PCDHGA1: variants seen among roughly 807,000 people sequenced by gnomAD.
PCDHGA1 encodes the protein protocadherin gamma-A1.
In PCDHGA1, 32 loss-of-function variants were observed where a neutral mutation model predicts 58.0. That is an observed-to-expected ratio of 0.55 (90% CI 0.42 to 0.74). The LOEUF (loss-of-function observed/expected upper bound fraction) is 0.74. Ranked by LOEUF, PCDHGA1 falls within the 30% of genes least tolerant of loss-of-function variation. PCDHGA1 has a pLI of 0.00. For missense variants in PCDHGA1, 1,205 were observed against 1,182.3 expected (o/e 1.02, Z -0.28); for synonymous variants, 498 against 501.1 (o/e 0.99, Z 0.08).
intron 1 of PCDHGA1, chr5:141,346,625 C>G (rs548281079): frequency 1.3e-5 from 13 of 1,025,110 alleles, no homozygotes; most frequent in South Asian, 1.2e-4. Context: ...CTGCACTCCC[C>G]GGTCTGGTTA....
At chr5:141,488,594 C>T (rs1398982317) in intron 1 of PCDHGA1, among the ~76,000 whole-genome samples, 3 of 152,164 alleles carry the variant, frequency 2.0e-5, no homozygotes, top group African/African-American at 7.2e-5. Context: ...CAGGGCAAGA[C>T]TTTACAAGGT....
intron 1 of PCDHGA1, chr5:141,385,278 A>G (rs776235211): frequency 7.4e-6 from 12 of 1,613,478 alleles, no homozygotes; most frequent in Non-Finnish European, 1.0e-5. Flanking sequence ...CTTTGCTAAC[A>G]TCCGTAGATT....
At chr5:141,386,808 A>C (rs1477071186) in intron 1 of PCDHGA1, among the ~76,000 whole-genome samples, 1 of 152,258 alleles carries the variant, frequency 6.6e-6, no homozygotes, top group Non-Finnish European at 1.5e-5. Flanking sequence ...TATTAGATGC[A>C]TAAAATTGTT....
chr5:141,394,393 A>G lies in PCDHGA1; in HGVS notation c.2421+61288A>G, dbSNP rs201461446. ...TCTTTCGACTATGAGCAGATCCGAG[A>G]CCTGCAGCTACTGGTAACAGCCAGC... On this transcript the variant is annotated intron_variant, in intron 1 of 3. Coordinates refer to ENST00000517417, the MANE Select transcript of PCDHGA1 (RefSeq NM_018912.3). The G allele has an allele frequency of 4.3e-4, 696 of 1,614,048 alleles. No individual in the cohort carries two copies. The highest frequency in any genetic ancestry group is 5.7e-4 in the Non-Finnish European group (671 of 1,180,036).
intron 2 of PCDHGA1, among the ~76,000 whole-genome samples, chr5:141,499,370 AT>A (rs932083472): frequency 2.0e-5 from 3 of 152,170 alleles, no homozygotes. Context: ...TAGCAACTTA[AT>A]TTTTTTCCAC....
intron 1 of PCDHGA1, chr5:141,370,618 T>C: frequency 6.2e-7 from 1 of 1,613,964 alleles, no homozygotes; most frequent in Non-Finnish European, 8.5e-7. Context: ...AAGAAATTCT[T>C]TACCGTGAGC....
chr5:141,357,132 G>A, intron 1 of PCDHGA1: 1 of 1,613,550 alleles, frequency 6.2e-7, no homozygotes. Flanking sequence ...GGCTTGTAGT[G>A]GTCGTCCAGG....
rs2095932484 is a variant in PCDHGA1, at chr5:141,415,751, T to TG, written c.2422-79056_2422-79055insG. 3.8e-6 allele frequency: 5 copies of TG among 1,328,726 alleles called. No homozygotes were observed. The African/African-American group carries it at 9.4e-5, about 25-fold the overall frequency. The allele number at this position is 1,328,726 out of a possible 1,614,324, so 82.3% of individuals were successfully genotyped here. On this transcript the variant is annotated intron_variant, in intron 1 of 3. Transcript: ENST00000517417. ...TGATGTTTATTAAGGTTTTTTTTTT[T>TG]TTTTTTTTTTTTTTTTTTTTTACTT... is the stretch of plus-strand genomic sequence containing the variant.
At chr5:141,367,353 A>G (rs1305190265) in intron 1 of PCDHGA1, 2 of 152,196 alleles carry the variant, frequency 1.3e-5, no homozygotes, top group Non-Finnish European at 2.9e-5. Context: ...CCTGGCTAAC[A>G]CGGTGAAACC....
intron 1 of PCDHGA1, chr5:141,365,398 C>T: frequency 1.2e-6 from 2 of 1,613,978 alleles, no homozygotes; most frequent in Non-Finnish European, 1.7e-6. Flanking sequence ...CCAGTTCGAT[C>T]TCTGAAGACT....
At chr5:141,387,600 A>T (rs1033182750) in intron 1 of PCDHGA1, 3 of 541,478 alleles carry the variant, frequency 5.5e-6, no homozygotes, top group Admixed American at 7.3e-5. Context: ...GAAGCAGCAG[A>T]GGCTGTAGTT....
chr5:141,360,572 C>T, intron 1 of PCDHGA1: 3 of 1,613,998 alleles, frequency 1.9e-6, no homozygotes, highest in East Asian at 2.2e-5. Flanking sequence ...GGCGAATCCA[C>T]TAAGCCAGGT....
intron 1 of PCDHGA1, chr5:141,372,919 A>T (rs1404152823): frequency 9.8e-7 from 1 of 1,018,038 alleles, no homozygotes; most frequent in Admixed American, 3.0e-5. Context: ...TATTTTATTG[A>T]TTTTCTGGTG....
At chr5:141,428,358 G>A in intron 1 of PCDHGA1, 2 of 565,492 alleles carry the variant, frequency 3.5e-6, no homozygotes, top group South Asian at 1.9e-5. Context: ...TGATTTTGGC[G>A]GTCGCCTTGC....
At position 141,370,670 on chromosome 5, in the gene PCDHGA1, AGAG is replaced by A. The variant is rs774593251; in HGVS notation, c.2421+37569_2421+37571del. On this transcript the variant is annotated intron_variant, in intron 1 of 3. Coordinates refer to ENST00000517417, the MANE Select transcript of PCDHGA1 (RefSeq NM_018912.3). ...TACTTGTGAGCGACCGTATAGACCGAGAGGAGATTTGTGGCAAGAAGTCGACGT... is the reference window on the plus strand; with the variant it reads ...TACTTGTGAGCGACCGTATAGACCGAGAGATTTGTGGCAAGAAGTCGACGT... The A allele has an allele frequency of 1.4e-5, 22 of 1,613,768 alleles. No homozygotes were observed. In the South Asian group the frequency reaches 1.5e-4, roughly 11 times the overall value.
At chr5:141,412,367 A>C (rs1055060515) in intron 1 of PCDHGA1, 3 of 152,264 alleles carry the variant, frequency 2.0e-5, no homozygotes, top group Admixed American at 6.5e-5. Flanking sequence ...TTACCTGCTT[A>C]ATCATTTAAA....
At chr5:141,510,695 C>T (rs1023505006) in intron 3 of PCDHGA1, among the ~76,000 whole-genome samples, 1 of 152,166 alleles carries the variant, frequency 6.6e-6, no homozygotes, top group Non-Finnish European at 1.5e-5. Context: ...GTTAGGTAGA[C>T]TTGCCCAGGA....
rs372911969 is a variant in PCDHGA1 at position 141,346,097 on chromosome 5, C to T, written c.2421+12992C>T. 13 of 1,613,720 alleles carry T rather than the reference C, an allele frequency of 8.1e-6. No individual in the cohort carries two copies. In the African/African-American group the frequency reaches 1.3e-4, roughly 17 times the overall value. Reference sequence around the variant, plus strand: ...CCTCCGCCAAACCCAACGATTCGGACCTCACTCTGTACCTGGTGGTGGCGG... The same window carrying T: ...CCTCCGCCAAACCCAACGATTCGGATCTCACTCTGTACCTGGTGGTGGCGG... On this transcript the variant is annotated intron_variant, in intron 1 of 3. Transcript: ENST00000517417.
At chr5:141,346,211 G>A (rs778626948) in intron 1 of PCDHGA1, 4 of 1,614,182 alleles carry the variant, frequency 2.5e-6, no homozygotes, top group Non-Finnish European at 8.5e-7. Context: ...GCCTGCTGCA[G>A]GCTTCGGGAG....
Sources: gnomAD v4.1 joint callset for allele counts (sites outside exome capture counted in the v4.1 genomes callset) on GRCh38, gnomAD v4.1.1 for gene constraint, MANE v1.5 for transcripts, NCBI Gene and HGNC (gene_info 2026-07-23, HGNC 2026-07-21) for gene names.